Variants in RBFOX1 observed in about 807,000 individuals in gnomAD.
RBFOX1 encodes the protein RNA binding fox-1 homolog 1.
A neutral mutation model predicts 57.7 loss-of-function variants in RBFOX1; 8 were observed. The ratio of observed to expected loss-of-function variants is 0.14; its 90% confidence interval spans 0.08 to 0.25. RBFOX1 has a LOEUF of 0.25. RBFOX1 is among the 10% of genes least tolerant of loss of function. The probability of loss-of-function intolerance (pLI) is 1.00; values close to 1 mark genes in which losing one functional copy is unlikely to be tolerated. For missense variants in RBFOX1, 611 were observed against 548.5 expected, an observed-to-expected ratio of 1.11 and a Z score of -1.14; for synonymous variants, 326 against 222.4, an observed-to-expected ratio of 1.47 and a Z score of -4.15.
At position 5,730,656 on chromosome 16, in the gene RBFOX1, C is replaced by G. The variant is rs575683138; in HGVS notation, c.318+131695C>G. Among the ~76,000 whole-genome samples, 3 of 151,576 alleles carry G rather than the reference C, an allele frequency of 2.0e-5. 1 individual carries two copies. The highest frequency in any genetic ancestry group is 2.0e-4 in the Admixed American group (3 of 15,218). ...ATCATCACTACCACACCACCACCAT[C>G]GTTATTACCACTGCTGTTGTCACCA... On this transcript the variant is annotated intron_variant, in intron 3 of 19. Coordinates refer to the RBFOX1 transcript ENST00000641259.
intron 4 of RBFOX1, among the ~76,000 whole-genome samples, chr16:7,312,849 T>A (rs917280502): frequency 1.3e-5 from 2 of 152,096 alleles, no homozygotes; most frequent in Non-Finnish European, 2.9e-5. Context: ...AGCTTTAATA[T>A]GGCGGGGCCC....
intron 2 of RBFOX1, among the ~76,000 whole-genome samples, chr16:5,561,196 C>T (rs953711087): frequency 8.6e-5 from 13 of 151,968 alleles, no homozygotes; most frequent in Non-Finnish European, 1.5e-4. Context: ...GGGAGGGGGT[C>T]TTGCACATTA....
chr16:6,779,664 C>A (rs1378456318), intron 3 of RBFOX1, among the ~76,000 whole-genome samples: 1 of 139,112 alleles, frequency 7.2e-6, no homozygotes, highest in African/African-American at 2.7e-5. Context: ...TCTCCATATC[C>A]TTACCAGCAT....
At chr16:7,666,414 A>C (rs987183663) in intron 13 of RBFOX1, among the ~76,000 whole-genome samples, 1 of 151,974 alleles carries the variant, frequency 6.6e-6, no homozygotes, top group Non-Finnish European at 1.5e-5. Context: ...GATTTTCCTG[A>C]GTTTAGTTAA....
rs141381747 is a variant in RBFOX1 at position 7,349,456 on chromosome 16, G to A, written c.28-168691G>A. 4.6e-5 allele frequency among the ~76,000 whole-genome samples: 7 copies of A among 152,288 alleles called. No individual in the cohort carries two copies. The East Asian group carries it at 9.6e-4, about 21-fold the overall frequency. ...AGATTGGAGAAAGAAGTCATGGATC[G>A]GGCTTGCCAATGGCATTAGGATGAG... On this transcript the variant is annotated intron_variant, in intron 4 of 15. Coordinates refer to ENST00000550418, the MANE Select transcript of RBFOX1 (RefSeq NM_018723.4).
intron 3 of RBFOX1, among the ~76,000 whole-genome samples, chr16:5,681,773 C>G (rs896014316): frequency 1.3e-5 from 2 of 151,978 alleles, no homozygotes; most frequent in Non-Finnish European, 2.9e-5. Context: ...GCATTTTTAA[C>G]AACATGTGCA....
intron 3 of RBFOX1, among the ~76,000 whole-genome samples, chr16:6,799,850 T>A (rs2084952980): frequency 6.6e-6 from 1 of 152,126 alleles, no homozygotes; most frequent in African/African-American, 2.4e-5. Flanking sequence ...GCTGTCAGCT[T>A]CCCTGCTTTT....
At chr16:5,640,902 TACAC>T (rs1335030058) in intron 3 of RBFOX1, among the ~76,000 whole-genome samples, 1 of 141,510 alleles carries the variant, frequency 7.1e-6, no homozygotes, top group Admixed American at 7.1e-5. Context: ...CCTATGCACA[TACAC>T]ACATGGACAC....
intron 2 of RBFOX1, among the ~76,000 whole-genome samples, chr16:6,360,861 G>C (rs1050800310): frequency 6.6e-6 from 1 of 152,184 alleles, no homozygotes; most frequent in Non-Finnish European, 1.5e-5. Context: ...TCAGTGTGTA[G>C]TCTGAAATTT....
intron 1 of RBFOX1, among the ~76,000 whole-genome samples, chr16:5,322,216 G>C (rs555944629): frequency 4.6e-5 from 7 of 152,134 alleles, no homozygotes; most frequent in African/African-American, 1.7e-4. Flanking sequence ...AGAGAAAAAC[G>C]TAATAAACAC....
chr16:6,950,695 A>G (rs2080540930), intron 3 of RBFOX1, among the ~76,000 whole-genome samples: 1 of 152,140 alleles, frequency 6.6e-6, no homozygotes, highest in Non-Finnish European at 1.5e-5. Context: ...GAAGAATGAA[A>G]AAAGAGTTGC....
intron 2 of RBFOX1, among the ~76,000 whole-genome samples, chr16:5,582,675 C>G (rs887498210): frequency 7.3e-5 from 11 of 151,414 alleles, no homozygotes; most frequent in African/African-American, 2.4e-4. Flanking sequence ...CCCAGCCTCC[C>G]AAGTAGCTGG....
chr16:6,427,355 T>A (rs2093958891), intron 2 of RBFOX1, among the ~76,000 whole-genome samples: 1 of 152,140 alleles, frequency 6.6e-6, no homozygotes, highest in Non-Finnish European at 1.5e-5. Context: ...CAGACCCCAG[T>A]CTATAGGAAA....
chr16:5,757,946 C>T (rs1027266216), intron 3 of RBFOX1, among the ~76,000 whole-genome samples: 1 of 152,184 alleles, frequency 6.6e-6, no homozygotes, highest in Non-Finnish European at 1.5e-5. Context: ...CTGTAGCTGA[C>T]CCTGACTCAC....
chr16:5,911,637 A>G (rs1248570432), intron 4 of RBFOX1, among the ~76,000 whole-genome samples: 1 of 152,194 alleles, frequency 6.6e-6, no homozygotes, highest in Non-Finnish European at 1.5e-5. Flanking sequence ...GTAACAAAAT[A>G]CCATGAACAG....
intron 3 of RBFOX1, among the ~76,000 whole-genome samples, chr16:5,706,217 CT>C (rs1197710896): frequency 1.3e-5 from 2 of 152,112 alleles, no homozygotes; most frequent in Non-Finnish European, 2.9e-5. Context: ...GGCCATGTTG[CT>C]TTTTTTCCTA....
At chr16:5,444,583 A>G (rs1209895443) in intron 1 of RBFOX1, among the ~76,000 whole-genome samples, 1 of 152,192 alleles carries the variant, frequency 6.6e-6, no homozygotes, top group East Asian at 1.9e-4. Context: ...ACCTTCTCCC[A>G]CATCCCAGCC....
chr16:6,118,853 A>G (rs1225155340), intron 1 of RBFOX1, among the ~76,000 whole-genome samples: 2 of 144,468 alleles, frequency 1.4e-5, no homozygotes, highest in Non-Finnish European at 3.0e-5. Context: ...CATCTTCTTC[A>G]CTAATCCTGC....
At chr16:6,030,424 G>A (rs969979007) in intron 1 of RBFOX1, among the ~76,000 whole-genome samples, 1 of 152,164 alleles carries the variant, frequency 6.6e-6, no homozygotes, top group African/African-American at 2.4e-5. Context: ...GTAGTAAATA[G>A]AATTTGATAG....
Sources: allele counts gnomAD v4.1 joint callset (sites outside exome capture counted in the v4.1 genomes callset), GRCh38; gene constraint gnomAD v4.1.1; transcripts MANE v1.5; gene names NCBI Gene and HGNC (gene_info 2026-07-23, HGNC 2026-07-21).